HYDIN: variants seen among roughly 807,000 people sequenced by gnomAD.
HYDIN encodes HYDIN axonemal central pair apparatus protein, also known as axonemal central pair apparatus protein HYDIN.
HYDIN carries 132 observed loss-of-function variants against 403.9 expected under a neutral mutation model. The ratio of observed to expected loss-of-function variants is 0.33; its 90% CI spans 0.28 to 0.38. The LOEUF is 0.38. HYDIN is among the 10% of genes least tolerant of loss of function. HYDIN has a pLI of 1.00. For synonymous variants in HYDIN, 1,202 were observed against 1,891.7 expected (o/e 0.64, Z 9.46); for missense variants, 2,827 against 5,009.5 (o/e 0.56, Z 13.15).
At chr16:71,030,196 A>G (rs1016935333) in intron 19 of HYDIN, among the ~76,000 whole-genome samples, 3 of 151,960 alleles carry the variant, frequency 2.0e-5, no homozygotes, top group Non-Finnish European at 2.9e-5. Flanking sequence ...GACAACAGGC[A>G]TGTGACATCA....
intron 45 of HYDIN, among the ~76,000 whole-genome samples, chr16:70,934,154 G>A (rs1440613948): frequency 1.3e-5 from 2 of 152,062 alleles, no homozygotes; most frequent in Non-Finnish European, 2.9e-5. Context: ...ATGCCCATTA[G>A]ATCTGGAAAT....
At chr16:71,123,958 C>T (rs1047537584) in intron 9 of HYDIN, among the ~76,000 whole-genome samples, 5 of 152,142 alleles carry the variant, frequency 3.3e-5, no homozygotes, top group South Asian at 2.1e-4. Context: ...ATTACCCAGT[C>T]TCAGATGTGT....
chr16:71,186,250 C>A (rs1429131827), intron 2 of HYDIN, among the ~76,000 whole-genome samples: 1 of 151,990 alleles, frequency 6.6e-6, no homozygotes, highest in African/African-American at 2.4e-5. Context: ...TAAATTATCA[C>A]CAATCATTAT....
chr16:70,951,286 G>C (rs906720608), intron 41 of HYDIN, among the ~76,000 whole-genome samples: 4 of 150,930 alleles, frequency 2.7e-5, no homozygotes, highest in Non-Finnish European at 5.9e-5. Context: ...GAGAGGGAGA[G>C]AGGGAGAGAG....
chr16:71,222,804 G>A (rs992794768), intron 1 of HYDIN, among the ~76,000 whole-genome samples: 5 of 152,050 alleles, frequency 3.3e-5, no homozygotes, highest in Non-Finnish European at 5.9e-5. Flanking sequence ...AGACCTCTAC[G>A]CGGAAAACTA....
Position 71,089,816 on chromosome 16 carries a change from G to A in HYDIN, c.1447-1292C>T, listed in dbSNP as rs563388392. ...GTGAGAATGGGAGTGGCAAGACTGT[G>A]GGGAGGTACTGTGGAGGAGACAGCA... is the stretch of plus-strand genomic sequence containing the variant. On this transcript the variant is annotated intron_variant, in intron 11 of 85. Coordinates refer to ENST00000393567, the MANE Select transcript of HYDIN (RefSeq NM_001270974.2). Among the ~76,000 whole-genome samples the A allele has an allele frequency of 6.9e-4, 105 of 151,194 alleles. 1 individual carries two copies. In the East Asian group the frequency reaches 0.014, roughly 21 times the overall value.
chr16:70,991,288 C>A (rs1361905809), intron 25 of HYDIN, 30 bp downstream of exon 25: 5 of 1,613,228 alleles, frequency 3.1e-6, no homozygotes, highest in Non-Finnish European at 4.2e-6. Context: ...CCTTGACCTG[C>A]CTACCCTCCC....
intron 60 of HYDIN, among the ~76,000 whole-genome samples, chr16:70,880,514 C>G (rs1045953150): frequency 2.6e-5 from 4 of 151,990 alleles, no homozygotes; most frequent in Non-Finnish European, 5.9e-5. Context: ...TTCTAAAGGG[C>G]GGACTTCAGG....
intron 58 of HYDIN, among the ~76,000 whole-genome samples, chr16:70,887,052 T>C (rs1361306211): frequency 6.6e-6 from 1 of 152,238 alleles, no homozygotes; most frequent in Admixed American, 6.5e-5. Flanking sequence ...TTAGATCTTT[T>C]GTTATGGTTC....
intron 75 of HYDIN, among the ~76,000 whole-genome samples, chr16:70,843,186 TC>T (rs1279094454): frequency 1.1e-5 from 1 of 91,686 alleles, no homozygotes; most frequent in Non-Finnish European, 2.1e-5. Flanking sequence ...ATGCTATCCC[TC>T]CCCCCTCCCC....
At chr16:71,143,878 G>A (rs1476624651) in intron 7 of HYDIN, among the ~76,000 whole-genome samples, 1 of 152,284 alleles carries the variant, frequency 6.6e-6, no homozygotes, top group African/African-American at 2.4e-5. Flanking sequence ...TTACTATAAA[G>A]CTGCCGTGTG....
At chr16:71,086,993 C>T (rs962859395) in intron 12 of HYDIN, among the ~76,000 whole-genome samples, 10 of 150,498 alleles carry the variant, frequency 6.6e-5, no homozygotes, top group East Asian at 1.9e-4. Context: ...GGCACATATT[C>T]GTGAAGAGTC....
chr16:70,978,741 T>C (rs1190827354), intron 30 of HYDIN, among the ~76,000 whole-genome samples, 173 bp downstream of exon 30: 6 of 152,204 alleles, frequency 3.9e-5, no homozygotes, highest in Non-Finnish European at 8.8e-5. Flanking sequence ...TCTGTCTTTC[T>C]CTTTTCTGTA....
intron 48 of HYDIN, 85 bp from the exon 49 acceptor site, chr16:70,908,519 C>T: frequency 1.3e-5 from 20 of 1,487,560 alleles, no homozygotes; most frequent in Non-Finnish European, 1.8e-5. Context: ...AAGTCCTGTC[C>T]TGTTGGGGTG....
chr16:71,164,447 T>C (rs1462651253), intron 5 of HYDIN, among the ~76,000 whole-genome samples: 15 of 6,348 alleles, frequency 2.4e-3, no homozygotes, highest in African/African-American at 0.01. Context: ...AGCACTGTGC[T>C]AGGTCTAGGA....
chr16:71,197,505 T>C (rs1352468002), intron 1 of HYDIN, among the ~76,000 whole-genome samples: 2 of 152,186 alleles, frequency 1.3e-5, no homozygotes, highest in Non-Finnish European at 2.9e-5. Context: ...ATGAGGTAGA[T>C]AAGAGATAAA....
rs760166272 is a variant in HYDIN at position 70,807,843 on chromosome 16, C to T, written c.15103G>A (p.Gly5035Arg). The change falls in exon 86 of 86, where the codon GGG (glycine) becomes AGG (arginine). Residue 5035 changes from glycine to arginine, a missense_variant. Transcript: ENST00000393567. ...KPQGPFSIRA[G>R]YSIIIPFKNV... is the part of the protein sequence containing the mutation. ...TTGAAGGGGATGATTATGCTGTACC[C>T]GGCTCGGATCGAGAAGGGACCTTGG... 2.2e-5 allele frequency: 36 copies of T among 1,614,026 alleles called. No individual in the cohort carries two copies. The highest frequency in any genetic ancestry group is 5.0e-5 in the Admixed American group (3 of 59,996).
chr16:71,193,966 C>A (rs1371942641), intron 1 of HYDIN, among the ~76,000 whole-genome samples: 2 of 152,190 alleles, frequency 1.3e-5, no homozygotes, highest in Non-Finnish European at 2.9e-5. Context: ...CTACCCAATA[C>A]ACAACATGTA....
rs748991306 is a variant in HYDIN at position 70,938,683 on chromosome 16, G to C, written c.6926C>G (p.Ala2309Gly). The change falls in exon 44 of 86, where the codon GCC (alanine) becomes GGC (glycine). Residue 2309 changes from alanine to glycine, a missense_variant. Coordinates refer to ENST00000393567, the MANE Select transcript of HYDIN (RefSeq NM_001270974.2). ...TGTGAGTTTCTCCTCCTCAGTCAGGGCATCATATTCTTCCTCATCCATGTT... is the reference window on the plus strand; with the variant it reads ...TGTGAGTTTCTCCTCCTCAGTCAGGCCATCATATTCTTCCTCATCCATGTT... ...LQNMDEEEYD[A>G]LTEEEKLTFD... 1.9e-6 allele frequency: 3 copies of C among 1,612,666 alleles called. No individual in the cohort carries two copies. The South Asian group carries it at 3.3e-5, about 18-fold the overall frequency.
Sources: allele counts gnomAD v4.1 joint callset (sites outside exome capture counted in the v4.1 genomes callset), GRCh38; gene constraint gnomAD v4.1.1; transcripts MANE v1.5; gene names NCBI Gene and HGNC (gene_info 2026-07-23, HGNC 2026-07-21).